Variants in TACC2 observed in about 807,000 individuals in gnomAD.
The protein encoded by TACC2 is transforming acidic coiled-coil-containing protein 2.
Under a neutral mutation model 227.3 loss-of-function variants are expected in TACC2, and 137 were observed. The ratio of observed to expected loss-of-function variants is 0.60; its 90% CI spans 0.52 to 0.69. The LOEUF is 0.69. Among genes scored for constraint, TACC2 ranks in the 30% least tolerant of loss-of-function variants. TACC2 has a pLI of 0.00. For synonymous variants in TACC2, 1,523 were observed against 1,487.5 expected, an observed-to-expected ratio of 1.02 and a Z score of -0.55; for missense variants, 3,470 against 3,694.4, an observed-to-expected ratio of 0.94 and a Z score of 1.57.
At chr10:122,197,656 C>T (rs1486539936) in intron 8 of TACC2, among the ~76,000 whole-genome samples, 3 of 152,270 alleles carry the variant, frequency 2.0e-5, no homozygotes, top group African/African-American at 7.2e-5. Context: ...CCTTGGATTA[C>T]ACCAATTGGA....
intron 19 of TACC2, among the ~76,000 whole-genome samples, chr10:122,245,509 C>A (rs964030345): frequency 6.6e-6 from 1 of 152,122 alleles, no homozygotes; most frequent in Non-Finnish European, 1.5e-5. Flanking sequence ...AGAATATACA[C>A]CATACAGCGT....
At chr10:122,092,586 A>G (rs1218343700) in intron 5 of TACC2, among the ~76,000 whole-genome samples, 1 of 152,218 alleles carries the variant, frequency 6.6e-6, no homozygotes, top group Non-Finnish European at 1.5e-5. Flanking sequence ...ACACATGTAC[A>G]TGAAGGTAGC....
intron 6 of TACC2, among the ~76,000 whole-genome samples, chr10:122,139,345 C>T (rs770036475): frequency 7.2e-5 from 11 of 152,224 alleles, no homozygotes; most frequent in South Asian, 6.2e-4. Context: ...CTCACGTGAA[C>T]TGGCTGGTGC....
intron 7 of TACC2, among the ~76,000 whole-genome samples, chr10:122,154,514 C>A (rs1295553003): frequency 6.6e-6 from 1 of 152,232 alleles, no homozygotes; most frequent in Non-Finnish European, 1.5e-5. Context: ...CTTGTCATGC[C>A]TGTGTCCAGC....
chr10:122,104,988 C>T (rs2082587362), intron 5 of TACC2, among the ~76,000 whole-genome samples: 1 of 152,176 alleles, frequency 6.6e-6, no homozygotes, highest in Admixed American at 6.5e-5. Context: ...TAGTGCTTTG[C>T]ACAGGGCCAG....
chr10:122,215,490 C>T (rs201817951), intron 10 of TACC2, 39 bp downstream of exon 10: 21 of 1,570,380 alleles, frequency 1.3e-5, no homozygotes, highest in South Asian at 5.5e-5. Flanking sequence ...TTATGCCCCC[C>T]CCGGGGGAGG....
intron 1 of TACC2, among the ~76,000 whole-genome samples, chr10:122,018,092 C>T (rs1297025758): frequency 6.6e-6 from 1 of 151,458 alleles, no homozygotes; most frequent in Non-Finnish European, 1.5e-5. Flanking sequence ...TTTGCTGCAT[C>T]TATTGACCCA....
intron 7 of TACC2, among the ~76,000 whole-genome samples, chr10:122,187,482 T>G (rs1236693755): frequency 6.6e-6 from 1 of 152,080 alleles, no homozygotes; most frequent in Non-Finnish European, 1.5e-5. Flanking sequence ...TCCCCAAATT[T>G]CTTTTCTTTC....
chr10:122,230,336 A>C lies in TACC2; in HGVS notation c.8038-15A>C, dbSNP rs781285766. 3 of 1,611,652 alleles carry C rather than the reference A, an allele frequency of 1.9e-6. No homozygotes were observed. Among genetic ancestry groups the C allele is most frequent in the Non-Finnish European group, 2.5e-6 (3 of 1,177,868 alleles). On this transcript the variant is annotated splice_polypyrimidine_tract_variant and intron_variant, in intron 15 of 22. Coordinates refer to ENST00000369005, the MANE Select transcript of TACC2 (RefSeq NM_206862.4). Reference sequence around the variant, plus strand: ...ATGCATTTCCCTGCGGTTTGCCCACACTCCCTGTGGGCAGGAGGAGTTAGA... The same window carrying C: ...ATGCATTTCCCTGCGGTTTGCCCACCCTCCCTGTGGGCAGGAGGAGTTAGA...
At position 122,216,790 on chromosome 10, in the gene TACC2, C is replaced by G; in HGVS notation, c.7508C>G (p.Thr2503Ser). ...QDYPQPSDLSTFVNETKFSSP... is the reference protein window; with the variant it reads ...QDYPQPSDLSSFVNETKFSSP... ...TACCCGCAGCCCTCGGACCTGTCCA[C>G]CTTTGTAAACGAGACCAAATTCAGT... Residue 2503 changes from threonine (T) to serine (S), a missense_variant, in exon 11 of 23, where the codon ACC (threonine) becomes AGC (serine). By Grantham distance (58) the Thr-to-Ser change is moderately conservative. Coordinates refer to ENST00000369005, the MANE Select transcript of TACC2 (RefSeq NM_206862.4). The G allele has an allele frequency of 1.9e-6, 3 of 1,614,114 alleles. No individual in the cohort carries two copies. Among genetic ancestry groups the G allele is most frequent in the Non-Finnish European group, 2.5e-6 (3 of 1,180,018 alleles).
chr10:122,152,810 G>A (rs2092177434), intron 7 of TACC2, among the ~76,000 whole-genome samples: 1 of 152,120 alleles, frequency 6.6e-6, no homozygotes. Context: ...GGTGGGAACT[G>A]GGACCTTGTG....
intron 5 of TACC2, among the ~76,000 whole-genome samples, chr10:122,117,337 G>A (rs2084889304): frequency 6.6e-6 from 1 of 151,890 alleles, no homozygotes; most frequent in Admixed American, 6.6e-5. Context: ...GGGACTACAG[G>A]TGTGCACCAC....
At chr10:122,045,340 G>C (rs2074847917) in intron 2 of TACC2, among the ~76,000 whole-genome samples, 1 of 152,218 alleles carries the variant, frequency 6.6e-6, no homozygotes, top group Non-Finnish European at 1.5e-5. Context: ...TGGCGAAGCA[G>C]CGTAAGGCAG....
At chr10:122,014,193 T>C (rs1041334362) in intron 1 of TACC2, among the ~76,000 whole-genome samples, 1 of 152,032 alleles carries the variant, frequency 6.6e-6, no homozygotes, top group African/African-American at 2.4e-5. Flanking sequence ...TCTCTAAGCC[T>C]TCATCTTACC....
intron 3 of TACC2, among the ~76,000 whole-genome samples, chr10:122,069,609 C>T (rs1446058342): frequency 6.6e-6 from 1 of 152,126 alleles, no homozygotes; most frequent in East Asian, 1.9e-4. Flanking sequence ...GCAGCTAATC[C>T]TCCATTAGCC....
intron 1 of TACC2, among the ~76,000 whole-genome samples, chr10:122,018,293 G>T (rs1291356636): frequency 6.6e-6 from 1 of 152,168 alleles, no homozygotes; most frequent in Non-Finnish European, 1.5e-5. Flanking sequence ...CCCTGCAAAA[G>T]ACATGAACTC....
intron 5 of TACC2, chr10:122,088,887 G>C: frequency 1.3e-6 from 1 of 762,226 alleles, no homozygotes; most frequent in Non-Finnish European, 2.1e-6. Flanking sequence ...TTGGGAGGTC[G>C]AGGCAGGAAG....
intron 7 of TACC2, chr10:122,163,713 ACATACGCGGCGCTCGCCCCCCGG>A (rs1369237309): frequency 1.9e-6 from 2 of 1,046,654 alleles, no homozygotes; most frequent in Non-Finnish European, 2.4e-6. Context: ...TCGCGCGCAC[ACATACGCGGCGCTCGCCCCCCGG>A]CCCCCGGCTC....
At chr10:122,132,058 AAGAAAGAAAAAGAAAGAAAG>A (rs2088307396) in intron 5 of TACC2, among the ~76,000 whole-genome samples, 1 of 1,390 alleles carries the variant, frequency 7.2e-4, no homozygotes, top group Non-Finnish European at 2.3e-3. Flanking sequence ...GAAAGAAAGA[AAGAAAGAAAAAGAAAGAAAG>A]AAAGAGAAAG....
Sources: allele counts gnomAD v4.1 joint callset (sites outside exome capture counted in the v4.1 genomes callset), GRCh38; gene constraint gnomAD v4.1.1; transcripts MANE v1.5; gene names NCBI Gene and HGNC (gene_info 2026-07-23, HGNC 2026-07-21).